DOCK2: variants seen among roughly 807,000 people sequenced by gnomAD.
DOCK2 encodes dedicator of cytokinesis 2, also known as dedicator of cytokinesis protein 2.
Under a neutral mutation model 248.9 loss-of-function variants are expected in DOCK2, and 87 were observed. That is an observed-to-expected ratio of 0.35 (90% CI 0.29 to 0.42). The LOEUF is 0.42. Among genes scored for constraint, DOCK2 ranks in the 10% least tolerant of loss-of-function variants. The probability of loss-of-function intolerance (pLI) is 1.00; values close to 1 mark genes in which losing one functional copy is unlikely to be tolerated. For missense variants in DOCK2, 1,747 were observed against 2,300.2 expected (o/e 0.76, Z 4.92); for synonymous variants, 805 against 821.6 (o/e 0.98, Z 0.35).
chr5:170,067,460 A>T, intron 44 of DOCK2, 50 bp from the exon 45 acceptor site: 1 of 1,570,336 alleles, frequency 6.4e-7, no homozygotes, highest in Non-Finnish European at 8.7e-7. Context: ...ATCTGTTTTT[A>T]AAGTGACTTA....
At chr5:169,918,944 G>A (rs141218457) in intron 27 of DOCK2, among the ~76,000 whole-genome samples, 2,217 of 152,128 alleles carry the variant, frequency 0.015, 50 homozygotes, top group African/African-American at 0.051. Context: ...GATATTTTAG[G>A]GGCCAGATAT....
intron 25 of DOCK2, among the ~76,000 whole-genome samples, chr5:169,799,048 G>A (rs6893127): frequency 0.13 from 20,272 of 152,110 alleles, 1,501 homozygotes; most frequent in Non-Finnish European, 0.17. Context: ...ATCCAAATAC[G>A]TTATGTCAGA....
chr5:169,711,870 A>T, intron 15 of DOCK2, 65 bp from the exon 16 acceptor site: 1 of 1,561,558 alleles, frequency 6.4e-7, no homozygotes, highest in Non-Finnish European at 8.8e-7. Flanking sequence ...GGAAGTGTGT[A>T]GGGGGGTGCA....
chr5:169,990,211 G>A (rs955373860), intron 29 of DOCK2, among the ~76,000 whole-genome samples: 2 of 152,004 alleles, frequency 1.3e-5, no homozygotes, highest in Admixed American at 1.3e-4. Context: ...TGATTCTCTT[G>A]CTTCAGCCCC....
At chr5:169,702,963 G>C (rs1051089323) in intron 14 of DOCK2, among the ~76,000 whole-genome samples, 4 of 152,124 alleles carry the variant, frequency 2.6e-5, no homozygotes, top group Admixed American at 6.5e-5. Context: ...AGCTAGCAGG[G>C]TGTATTCAGG....
At chr5:169,765,932 T>C (rs961660930) in intron 25 of DOCK2, among the ~76,000 whole-genome samples, 1 of 152,160 alleles carries the variant, frequency 6.6e-6, no homozygotes, top group African/African-American at 2.4e-5. Context: ...CCATTCACAG[T>C]GTACAAGGGG....
At chr5:169,731,389 A>G (rs565802340) in intron 22 of DOCK2, among the ~76,000 whole-genome samples, 2 of 152,256 alleles carry the variant, frequency 1.3e-5, no homozygotes, top group African/African-American at 4.8e-5. Context: ...TAAAAACTGT[A>G]GTTTTCCTGC....
At chr5:170,049,738 T>C (rs1365326627) in intron 40 of DOCK2, among the ~76,000 whole-genome samples, 1 of 152,246 alleles carries the variant, frequency 6.6e-6, no homozygotes, top group Non-Finnish European at 1.5e-5. Flanking sequence ...ATACTGCCGA[T>C]GTCCCTTGGG....
chr5:169,970,022 T>C (rs1328025248), intron 27 of DOCK2, among the ~76,000 whole-genome samples: 1 of 152,262 alleles, frequency 6.6e-6, no homozygotes, highest in Non-Finnish European at 1.5e-5. Flanking sequence ...GCCTACAGGC[T>C]GCCTTTTTGA....
At chr5:169,875,545 G>A (rs1772274583) in intron 27 of DOCK2, 5 of 243,880 alleles carry the variant, frequency 2.1e-5, no homozygotes, top group South Asian at 1.3e-4. Flanking sequence ...TGCTGTGGCC[G>A]TTGCAATTAC....
At chr5:170,047,275 T>A (rs1288069094) in intron 39 of DOCK2, among the ~76,000 whole-genome samples, 1 of 152,190 alleles carries the variant, frequency 6.6e-6, no homozygotes, top group East Asian at 1.9e-4. Context: ...ATGGGATTAT[T>A]ACAAGGGTGA....
intron 27 of DOCK2, among the ~76,000 whole-genome samples, chr5:169,904,454 G>A (rs1010296164): frequency 3.3e-5 from 5 of 152,088 alleles, no homozygotes; most frequent in African/African-American, 1.2e-4. Context: ...CTCACTTCTG[G>A]GCAGCTTCCC....
At chr5:169,718,942 A>G in intron 22 of DOCK2, 151 bp downstream of exon 22, 4 of 1,065,444 alleles carry the variant, frequency 3.8e-6, no homozygotes, top group East Asian at 2.7e-5. Flanking sequence ...AGTAATGAAT[A>G]TGTAATAATT....
chr5:170,037,175 G>T (rs992320030), intron 36 of DOCK2, among the ~76,000 whole-genome samples: 2 of 151,684 alleles, frequency 1.3e-5, no homozygotes, highest in African/African-American at 4.8e-5. Flanking sequence ...ATATGGGCAA[G>T]CAACACAACA....
At chr5:170,003,868 C>G (rs192039449) in intron 30 of DOCK2, among the ~76,000 whole-genome samples, 1 of 152,352 alleles carries the variant, frequency 6.6e-6, no homozygotes, top group East Asian at 1.9e-4. Flanking sequence ...CACAGAGCCA[C>G]ATACTGTGAC....
At position 169,689,325 on chromosome 5, in the gene DOCK2, G is replaced by A. The variant is rs781283532; in HGVS notation, c.835G>A (p.Val279Ile). 1 of 1,614,030 alleles carries A rather than the reference G, an allele frequency of 6.2e-7. No individual in the cohort carries two copies. Among genetic ancestry groups the A allele is most frequent in the Non-Finnish European group, 8.5e-7 (1 of 1,179,974 alleles). ...TGAGATGCTCAACAATCTGAAGGTGGTCTTCACGGTGAGTGTGCACCCTCT... is the reference window on the plus strand; with the variant it reads ...TGAGATGCTCAACAATCTGAAGGTGATCTTCACGGTGAGTGTGCACCCTCT... ...EIEMLNNLKV[V>I]FTDLGNKDLN... The change falls in exon 9 of 52, where the codon GTC becomes ATC. Residue 279 changes from valine (V) to isoleucine (I), a missense_variant. Coordinates refer to ENST00000520908, the MANE Select transcript of DOCK2 (RefSeq NM_004946.3).
intron 25 of DOCK2, among the ~76,000 whole-genome samples, chr5:169,783,756 T>A (rs1765836063): frequency 6.6e-6 from 1 of 152,220 alleles, no homozygotes; most frequent in Non-Finnish European, 1.5e-5. Context: ...TAATAATTTT[T>A]ATAAAAACTT....
intron 25 of DOCK2, among the ~76,000 whole-genome samples, chr5:169,794,172 A>G (rs1766514854): frequency 6.6e-6 from 1 of 151,780 alleles, no homozygotes; most frequent in East Asian, 1.9e-4. Context: ...CCGGGTCTGA[A>G]CATTCCAGGT....
intron 26 of DOCK2, among the ~76,000 whole-genome samples, chr5:169,804,258 C>CTA (rs1767170293): frequency 6.6e-6 from 1 of 152,230 alleles, no homozygotes; most frequent in African/African-American, 2.4e-5. Context: ...CACTTACCAT[C>CTA]CCAATTAAGC....
Sources: gnomAD v4.1 joint callset for allele counts (sites outside exome capture counted in the v4.1 genomes callset) on GRCh38, gnomAD v4.1.1 for gene constraint, MANE v1.5 for transcripts, NCBI Gene and HGNC (gene_info 2026-07-23, HGNC 2026-07-21) for gene names.